PTPRM: variants seen among roughly 807,000 people sequenced by gnomAD.
The protein encoded by PTPRM is protein tyrosine phosphatase receptor type M.
A neutral mutation model predicts 186.7 loss-of-function variants in PTPRM; 47 were observed. The observed-to-expected ratio is 0.25, with a 90% CI of 0.20 to 0.32. The LOEUF (loss-of-function observed/expected upper bound fraction) is 0.32, where lower values mean the gene tolerates loss of function less well. Ranked by LOEUF, PTPRM falls within the 10% of genes least tolerant of loss-of-function variation. The pLI is 1.00. For missense variants in PTPRM, 1,494 were observed against 1,865.0 expected (o/e 0.80, Z 3.66); for synonymous variants, 668 against 674.9 (o/e 0.99, Z 0.16).
At chr18:7,851,389 T>C in intron 2 of PTPRM, among the ~76,000 whole-genome samples, 1 of 152,132 alleles carries the variant, frequency 6.6e-6, no homozygotes, top group East Asian at 1.9e-4. Context: ...CAAAGAAAAC[T>C]TATATATGCT....
In PTPRM at chr18:7,568,611, T is replaced by C. The variant is rs1293708962; in HGVS notation, c.73+720T>C. ...CTCCCCCTCCCCACCCTCGTCCCCC[T>C]AGCGGAGCGCCGCGGCCAGCTGCAA... On this transcript the variant is annotated intron_variant, in intron 1 of 32. Transcript: ENST00000580170. This position sits in a 1 kb window ranked among gnomAD's most constrained non-coding sequence, Gnocchi z 5.1. Among the ~76,000 whole-genome samples, 1 of 152,068 alleles carries C rather than the reference T, an allele frequency of 6.6e-6. No individual in the cohort carries two copies. Among genetic ancestry groups the C allele is most frequent in the Non-Finnish European group, 1.5e-5 (1 of 67,984 alleles).
chr18:7,960,706 T>A (rs1316253192), intron 7 of PTPRM, among the ~76,000 whole-genome samples: 6 of 151,960 alleles, frequency 3.9e-5, no homozygotes, highest in African/African-American at 1.5e-4. Context: ...TGCAGTGAGC[T>A]GTAATCACAC....
chr18:8,244,652 G>A (rs947435650), intron 15 of PTPRM, among the ~76,000 whole-genome samples: 1 of 152,136 alleles, frequency 6.6e-6, no homozygotes, highest in Non-Finnish European at 1.5e-5. Flanking sequence ...TTATTATAGG[G>A]CTGTCAGTGT....
chr18:8,175,295 C>A (rs1416653658), intron 14 of PTPRM, among the ~76,000 whole-genome samples: 1 of 151,976 alleles, frequency 6.6e-6, no homozygotes, highest in Non-Finnish European at 1.5e-5. Flanking sequence ...TGGTGGCCTG[C>A]AATAGTGTAA....
chr18:7,874,463 A>T (rs984785733), intron 2 of PTPRM, among the ~76,000 whole-genome samples: 1 of 152,154 alleles, frequency 6.6e-6, no homozygotes, highest in African/African-American at 2.4e-5. Context: ...TTTCCCTGGA[A>T]AGCTGATCGA....
intron 1 of PTPRM, among the ~76,000 whole-genome samples, chr18:7,651,165 C>T (rs1243140559): frequency 6.6e-6 from 1 of 151,842 alleles, no homozygotes; most frequent in African/African-American, 2.4e-5. Context: ...TCAGGTGATT[C>T]GCCCGCCTCA....
intron 5 of PTPRM, among the ~76,000 whole-genome samples, chr18:7,937,124 G>A (rs2051863158): frequency 6.6e-6 from 1 of 152,158 alleles, no homozygotes; most frequent in Admixed American, 6.5e-5. Flanking sequence ...CCTAGACACA[G>A]GACAAGAACT....
At chr18:8,001,183 T>C (rs965130941) in intron 7 of PTPRM, among the ~76,000 whole-genome samples, 2 of 152,168 alleles carry the variant, frequency 1.3e-5, no homozygotes, top group African/African-American at 2.4e-5. Context: ...TCTGACAGCA[T>C]TGGCGAGGGG....
At chr18:8,263,000 A>G (rs575870356) in intron 19 of PTPRM, among the ~76,000 whole-genome samples, 1 of 152,334 alleles carries the variant, frequency 6.6e-6, no homozygotes, top group African/African-American at 2.4e-5. Flanking sequence ...GAAAAACTGT[A>G]TGGACCAACT....
At chr18:8,392,470 CA>C (rs948362766) in intron 31 of PTPRM, among the ~76,000 whole-genome samples, 5 of 151,714 alleles carry the variant, frequency 3.3e-5, no homozygotes, top group South Asian at 2.1e-4. Context: ...TAAAAAAATA[CA>C]AAAAAATTAG....
At chr18:8,021,772 G>A (rs891420904) in intron 7 of PTPRM, among the ~76,000 whole-genome samples, 3 of 152,002 alleles carry the variant, frequency 2.0e-5, no homozygotes, top group African/African-American at 7.3e-5. Context: ...TGGTGGAGAT[G>A]GGATCTCACT....
chr18:8,176,881 G>A (rs538280174), intron 14 of PTPRM, among the ~76,000 whole-genome samples: 1 of 152,328 alleles, frequency 6.6e-6, no homozygotes, highest in Admixed American at 6.5e-5. Flanking sequence ...CTTCACTCTA[G>A]CTTGAAAGCC....
chr18:8,220,103 T>C (rs1250804388), intron 14 of PTPRM, among the ~76,000 whole-genome samples: 2 of 152,098 alleles, frequency 1.3e-5, no homozygotes, highest in East Asian at 3.9e-4. Context: ...TTTTACCGCA[T>C]GGTACAATCA....
intron 7 of PTPRM, among the ~76,000 whole-genome samples, chr18:8,026,094 G>T (rs952998832): frequency 6.6e-5 from 10 of 152,338 alleles, no homozygotes; most frequent in African/African-American, 2.4e-4. Context: ...TAGACAAATT[G>T]CTAGGCTAAA....
In PTPRM at chr18:8,056,973, G is replaced by C. The variant is rs2088013898; in HGVS notation, c.1133-12713G>C. Reference sequence around the variant, plus strand: ...CTCAGCTATCTTTTCTGCAGTAAGGGAATGGATAAGTAAACTGTATTTTAT... The same window carrying C: ...CTCAGCTATCTTTTCTGCAGTAAGGCAATGGATAAGTAAACTGTATTTTAT... On this transcript the variant is annotated intron_variant, in intron 7 of 32. Transcript: ENST00000580170. Among the ~76,000 whole-genome samples, 4 of 151,886 alleles carry C rather than the reference G, an allele frequency of 2.6e-5. No homozygotes were observed. The South Asian group carries it at 8.3e-4, about 32-fold the overall frequency.
intron 29 of PTPRM, among the ~76,000 whole-genome samples, chr18:8,381,976 C>T (rs750269864): frequency 3.3e-5 from 5 of 152,154 alleles, no homozygotes; most frequent in African/African-American, 7.2e-5. Flanking sequence ...ATTCTAAACC[C>T]GAACTATCTG....
intron 17 of PTPRM, among the ~76,000 whole-genome samples, chr18:8,249,860 G>A (rs939302911): frequency 1.3e-5 from 2 of 152,170 alleles, no homozygotes; most frequent in Admixed American, 6.5e-5. Flanking sequence ...AAGTCACCCA[G>A]ATAGACCAAT....
intron 21 of PTPRM, among the ~76,000 whole-genome samples, chr18:8,318,913 T>G (rs2095328028): frequency 6.6e-6 from 1 of 152,236 alleles, no homozygotes; most frequent in South Asian, 2.1e-4. Context: ...AATCCATAAG[T>G]TGTTAGTGTT....
chr18:7,824,198 A>G (rs980059886), intron 2 of PTPRM, among the ~76,000 whole-genome samples: 10 of 152,286 alleles, frequency 6.6e-5, no homozygotes, highest in Admixed American at 2.0e-4. Flanking sequence ...TTGCCTGAGC[A>G]TTACCTGGAC....
Sources: gnomAD v4.1 joint callset for allele counts (sites outside exome capture counted in the v4.1 genomes callset) on GRCh38, gnomAD v4.1.1 for gene constraint, Gnocchi (gnomAD v3.1) non-coding constraint, MANE v1.5 for transcripts, NCBI Gene and HGNC (gene_info 2026-07-23, HGNC 2026-07-21) for gene names.